Variants in ANKS1B observed in about 807,000 individuals in gnomAD.
ANKS1B encodes the protein ankyrin repeat and sterile alpha motif domain containing 1B.
Under a neutral mutation model 148.3 loss-of-function variants are expected in ANKS1B, and 36 were observed. That is an observed-to-expected ratio of 0.24 (90% CI 0.19 to 0.32). ANKS1B has a LOEUF of 0.32. Among genes scored for constraint, ANKS1B ranks in the 10% least tolerant of loss-of-function variants. The pLI is 1.00. For missense variants in ANKS1B, 1,157 were observed against 1,542.6 expected (o/e 0.75, Z 4.19); for synonymous variants, 542 against 560.8 (o/e 0.97, Z 0.47).
chr12:98,856,819 A>G lies in ANKS1B; in HGVS notation c.2779-24683T>C, dbSNP rs572013680. ...TAAAGCAGAATCTTCTGTGTCTAGAAGAATCAATAGGAAGGTGCATCATCA... is the reference window on the plus strand; with the variant it reads ...TAAAGCAGAATCTTCTGTGTCTAGAGGAATCAATAGGAAGGTGCATCATCA... On this transcript the variant is annotated intron_variant, in intron 17 of 26. Transcript: ENST00000683438. 3.2e-4 allele frequency among the ~76,000 whole-genome samples: 48 copies of G among 152,346 alleles called. 1 individual carries two copies. The Middle Eastern group carries it at 0.014, about 43-fold the overall frequency.
At chr12:99,210,796 A>C (rs1340771404) in intron 14 of ANKS1B, among the ~76,000 whole-genome samples, 1 of 152,214 alleles carries the variant, frequency 6.6e-6, no homozygotes, top group East Asian at 1.9e-4. Context: ...GCTAAGGTGC[A>C]TACTCCAAAC....
intron 17 of ANKS1B, among the ~76,000 whole-genome samples, chr12:98,950,380 C>A (rs931716751): frequency 2.0e-5 from 3 of 152,052 alleles, no homozygotes; most frequent in African/African-American, 7.2e-5. Context: ...GCCTGTAATC[C>A]CAGCTACTTA....
At chr12:99,644,055 C>A (rs1235046786) in intron 9 of ANKS1B, among the ~76,000 whole-genome samples, 1 of 152,134 alleles carries the variant, frequency 6.6e-6, no homozygotes, top group Non-Finnish European at 1.5e-5. Context: ...TCTCTTTCCT[C>A]CTCCCACATT....
intron 14 of ANKS1B, among the ~76,000 whole-genome samples, chr12:99,181,172 C>T (rs2079068639): frequency 6.6e-6 from 1 of 152,046 alleles, no homozygotes; most frequent in African/African-American, 2.4e-5. Context: ...TTATGCTTTT[C>T]TCTTGTCAAT....
At chr12:99,544,471 GATA>G (rs1357436931) in intron 9 of ANKS1B, among the ~76,000 whole-genome samples, 1 of 152,090 alleles carries the variant, frequency 6.6e-6, no homozygotes, top group Non-Finnish European at 1.5e-5. Context: ...AAATCAGAAT[GATA>G]ATATGTTTCT....
At chr12:99,938,553 T>A (rs916172366) in intron 1 of ANKS1B, among the ~76,000 whole-genome samples, 1 of 152,194 alleles carries the variant, frequency 6.6e-6, no homozygotes, top group Non-Finnish European at 1.5e-5. Context: ...TTTCTTCTTA[T>A]ATTATTCAAG....
At chr12:99,558,775 C>T (rs1049536591) in intron 9 of ANKS1B, among the ~76,000 whole-genome samples, 4 of 152,202 alleles carry the variant, frequency 2.6e-5, no homozygotes, top group African/African-American at 7.2e-5. Flanking sequence ...CTATCCAGGT[C>T]TAACAGTTGC....
rs749839182 is a variant in ANKS1B at position 99,779,861 on chromosome 12, T to C, written c.847+10A>G. 6.3e-7 allele frequency: 1 copy of C among 1,594,998 alleles called. No individual in the cohort carries two copies. Among genetic ancestry groups the C allele is most frequent in the South Asian group, 1.1e-5 (1 of 90,574 alleles). On this transcript the variant is annotated intron_variant, in intron 6 of 26. Transcript: ENST00000683438. ...TAAGGCAAACTCATCCATCATTCAA[T>C]ACTGTTTACCTTGTAAGAGTGTTGC...
intron 17 of ANKS1B, among the ~76,000 whole-genome samples, chr12:98,957,606 A>G (rs1001624773): frequency 3.3e-5 from 5 of 152,040 alleles, no homozygotes; most frequent in Non-Finnish European, 7.4e-5. Context: ...TGAGCCTCCC[A>G]AAGTGCTGGG....
intron 17 of ANKS1B, among the ~76,000 whole-genome samples, chr12:98,984,624 G>A (rs1180502214): frequency 6.6e-6 from 1 of 152,158 alleles, no homozygotes; most frequent in African/African-American, 2.4e-5. Flanking sequence ...CTCCCTTCCT[G>A]CATTTCTAAT....
intron 22 of ANKS1B, among the ~76,000 whole-genome samples, chr12:98,796,581 T>C (rs908555622): frequency 6.6e-6 from 1 of 152,224 alleles, no homozygotes; most frequent in African/African-American, 2.4e-5. Flanking sequence ...CCTATGCTTC[T>C]GGTTTTGAAA....
intron 9 of ANKS1B, among the ~76,000 whole-genome samples, chr12:99,531,002 C>G (rs2096983462): frequency 1.3e-5 from 2 of 152,182 alleles, no homozygotes; most frequent in Non-Finnish European, 2.9e-5. Flanking sequence ...CCTCTGTCTT[C>G]TTGCTTATGT....
At chr12:99,403,152 C>CTTTTTTT (rs143800860) in intron 11 of ANKS1B, among the ~76,000 whole-genome samples, 2 of 73,150 alleles carry the variant, frequency 2.7e-5, no homozygotes, top group Non-Finnish European at 5.1e-5. Context: ...ACTTTTCTTT[C>CTTTTTTT]TTTTTTTTTT....
intron 17 of ANKS1B, among the ~76,000 whole-genome samples, chr12:98,891,467 A>T (rs2099752479): frequency 6.6e-6 from 1 of 152,184 alleles, no homozygotes; most frequent in Non-Finnish European, 1.5e-5. Context: ...GATGAACAGG[A>T]ATGGTTTTCA....
intron 9 of ANKS1B, among the ~76,000 whole-genome samples, chr12:99,634,947 A>G (rs939777565): frequency 6.6e-6 from 1 of 152,220 alleles, no homozygotes; most frequent in Non-Finnish European, 1.5e-5. Flanking sequence ...AAAATAGAAA[A>G]AAGACTTGAA....
At chr12:99,955,131 C>T (rs903617032) in intron 1 of ANKS1B, among the ~76,000 whole-genome samples, 2 of 152,166 alleles carry the variant, frequency 1.3e-5, no homozygotes, top group African/African-American at 2.4e-5. Flanking sequence ...GCTTGTTTCT[C>T]ACTGGGGGGT....
chr12:99,917,098 A>G (rs2094194565), intron 1 of ANKS1B, among the ~76,000 whole-genome samples: 1 of 152,220 alleles, frequency 6.6e-6, no homozygotes, highest in South Asian at 2.1e-4. Context: ...TTACATGAAG[A>G]AAGAAGTGGT....
At chr12:99,510,056 G>C (rs1166385898) in intron 9 of ANKS1B, among the ~76,000 whole-genome samples, 1 of 151,958 alleles carries the variant, frequency 6.6e-6, no homozygotes, top group African/African-American at 2.4e-5. Context: ...ATAATTTACT[G>C]AATATTTTAA....
At chr12:99,249,377 C>G (rs75101246) in intron 12 of ANKS1B, among the ~76,000 whole-genome samples, 2 of 152,266 alleles carry the variant, frequency 1.3e-5, no homozygotes, top group East Asian at 3.9e-4. Flanking sequence ...TGTAGTTTGA[C>G]TACAATGACT....
Sources: gnomAD v4.1 joint callset for allele counts (sites outside exome capture counted in the v4.1 genomes callset) on GRCh38, gnomAD v4.1.1 for gene constraint, MANE v1.5 for transcripts, NCBI Gene and HGNC (gene_info 2026-07-23, HGNC 2026-07-21) for gene names.